Variants in DNAH9 observed in about 807,000 individuals in gnomAD.
DNAH9 encodes the protein DNAH9 variant protein.
Under a neutral mutation model 471.6 loss-of-function variants are expected in DNAH9, and 345 were observed. That is an observed-to-expected ratio of 0.73 (90% CI 0.67 to 0.80). DNAH9 has a LOEUF of 0.80. Among genes scored for constraint, DNAH9 ranks in the 30% least tolerant of loss-of-function variants. DNAH9 has a pLI of 0.00. For synonymous variants in DNAH9, 2,093 were observed against 2,123.6 expected, an observed-to-expected ratio of 0.99 and a Z score of 0.40; for missense variants, 5,407 against 5,609.2, an observed-to-expected ratio of 0.96 and a Z score of 1.15.
chr17:11,938,602 T>A (rs558631666), intron 66 of DNAH9, among the ~76,000 whole-genome samples: 1 of 152,094 alleles, frequency 6.6e-6, no homozygotes, highest in Non-Finnish European at 1.5e-5. Context: ...TTTTTTTTAA[T>A]TTAATTTTTC....
intron 43 of DNAH9, among the ~76,000 whole-genome samples, chr17:11,807,152 A>G (rs1969720152): frequency 6.6e-6 from 1 of 152,004 alleles, no homozygotes; most frequent in Admixed American, 6.6e-5. Flanking sequence ...AGAACCCACA[A>G]ACCTTCATTA....
intron 14 of DNAH9, among the ~76,000 whole-genome samples, chr17:11,657,881 A>G (rs185096282): frequency 2.0e-5 from 3 of 152,148 alleles, no homozygotes; most frequent in African/African-American, 7.2e-5. Context: ...GAAAATACCA[A>G]TGCCACTTGT....
intron 43 of DNAH9, among the ~76,000 whole-genome samples, chr17:11,806,684 A>G (rs113071131): frequency 6.6e-6 from 1 of 152,052 alleles, no homozygotes; most frequent in East Asian, 1.9e-4. Context: ...ATATATTTAT[A>G]AAAATGCAGA....
At chr17:11,835,825 G>A (rs893950784) in intron 49 of DNAH9, among the ~76,000 whole-genome samples, 5 of 152,070 alleles carry the variant, frequency 3.3e-5, no homozygotes, top group Admixed American at 6.5e-5. Flanking sequence ...AACCTATGGC[G>A]GCTGAGCCAT....
chr17:11,803,377 GGGGTGT>G (rs942724079), intron 43 of DNAH9, among the ~76,000 whole-genome samples: 2 of 139,810 alleles, frequency 1.4e-5, no homozygotes, highest in African/African-American at 5.2e-5. Flanking sequence ...CCATTCTCTA[GGGGTGT>G]GTGTGTGTGT....
intron 63 of DNAH9, among the ~76,000 whole-genome samples, chr17:11,931,682 C>T (rs1974512980): frequency 6.6e-6 from 1 of 152,120 alleles, no homozygotes; most frequent in Non-Finnish European, 1.5e-5. Flanking sequence ...GGCATGTGCA[C>T]CCACACCCCA....
intron 67 of DNAH9, among the ~76,000 whole-genome samples, chr17:11,955,398 A>C (rs561639511): frequency 5.3e-5 from 8 of 152,348 alleles, no homozygotes; most frequent in African/African-American, 1.7e-4. Flanking sequence ...TAAATAATCT[A>C]CAATTATAGT....
intron 25 of DNAH9, among the ~76,000 whole-genome samples, chr17:11,704,647 G>A (rs1043430696): frequency 6.7e-6 from 1 of 149,626 alleles, no homozygotes; most frequent in African/African-American, 2.5e-5. Flanking sequence ...GCAATGGCAC[G>A]ATCTCGGCTC....
chr17:11,887,697 A>AT (rs1972919743), intron 57 of DNAH9, among the ~76,000 whole-genome samples: 2 of 151,822 alleles, frequency 1.3e-5, no homozygotes, highest in Non-Finnish European at 2.9e-5. Context: ...GAGAGAGACC[A>AT]TATGTATATA....
chr17:11,778,224 G>A, intron 38 of DNAH9, among the ~76,000 whole-genome samples: 1 of 150,078 alleles, frequency 6.7e-6, no homozygotes, highest in Non-Finnish European at 1.5e-5. Flanking sequence ...TACTCGGGAG[G>A]CTAAGGCAGG....
At chr17:11,912,462 T>C (rs1973823059) in intron 61 of DNAH9, among the ~76,000 whole-genome samples, 1 of 152,234 alleles carries the variant, frequency 6.6e-6, no homozygotes, top group Admixed American at 6.5e-5. Context: ...ATATCCTTTA[T>C]TGGATTGAGA....
intron 48 of DNAH9, among the ~76,000 whole-genome samples, chr17:11,832,946 ACT>A (rs1349811561): frequency 6.6e-6 from 1 of 152,170 alleles, no homozygotes; most frequent in South Asian, 2.1e-4. Context: ...TAGGCCAGTG[ACT>A]CTCAAACTTA....
intron 65 of DNAH9, among the ~76,000 whole-genome samples, chr17:11,934,907 A>G (rs1301168456): frequency 6.6e-6 from 1 of 152,172 alleles, no homozygotes; most frequent in East Asian, 1.9e-4. Context: ...GTTGGTGGCT[A>G]TGAACACAGG....
intron 1 of DNAH9, among the ~76,000 whole-genome samples, chr17:11,605,477 CTGT>C (rs71142221): frequency 0.08 from 352 of 4,398 alleles, 4 homozygotes; most frequent in African/African-American, 0.16. Context: ...GCTTTTTGGT[CTGT>C]TGTTGTTGTT....
At chr17:11,618,247 T>G (rs1470812874) in intron 5 of DNAH9, among the ~76,000 whole-genome samples, 2 of 152,144 alleles carry the variant, frequency 1.3e-5, no homozygotes, top group African/African-American at 4.8e-5. Context: ...TAGGGACCCT[T>G]GTAGCACCAA....
intron 1 of DNAH9, 117 bp from the exon 2 acceptor site, chr17:11,608,012 A>C (rs773415875): frequency 1.4e-5 from 10 of 722,680 alleles, no homozygotes; most frequent in Non-Finnish European, 2.3e-5. Context: ...TAGGCCTTCC[A>C]GCACAGTGAC....
At chr17:11,598,956 G>T in intron 1 of DNAH9, 41 bp downstream of exon 1, 2 of 1,428,018 alleles carry the variant, frequency 1.4e-6, no homozygotes, top group Non-Finnish European at 9.2e-7. Context: ...AAAGCTGGGT[G>T]GGGGAGGGGA....
intron 26 of DNAH9, among the ~76,000 whole-genome samples, chr17:11,715,519 G>A (rs1394038755): frequency 2.0e-5 from 3 of 152,176 alleles, no homozygotes; most frequent in Non-Finnish European, 4.4e-5. Flanking sequence ...GGGAGCACCT[G>A]ACATGGTGAA....
chr17:11,694,112 T>C, intron 21 of DNAH9, 114 bp downstream of exon 21: 1 of 1,393,422 alleles, frequency 7.2e-7, no homozygotes, highest in African/African-American at 1.4e-5. Context: ...GTCCCTTTCT[T>C]TGCCTGTGTG....
Sources: gnomAD v4.1 joint callset for allele counts (sites outside exome capture counted in the v4.1 genomes callset) on GRCh38, gnomAD v4.1.1 for gene constraint, MANE v1.5 for transcripts, NCBI Gene and HGNC (gene_info 2026-07-23, HGNC 2026-07-21) for gene names.